YBX2: variants seen among roughly 807,000 people sequenced by gnomAD.
The protein encoded by YBX2 is Y-box binding protein 2.
In YBX2, 5 loss-of-function variants were observed where a neutral mutation model predicts 44.4. The observed-to-expected ratio is 0.11, with a 90% CI of 0.06 to 0.24. The LOEUF (loss-of-function observed/expected upper bound fraction) is 0.24, where lower values mean the gene tolerates loss of function less well. Ranked by LOEUF, YBX2 falls within the 10% of genes least tolerant of loss-of-function variation. The pLI, the probability that YBX2 is intolerant of heterozygous loss-of-function variation, is 1.00. For synonymous variants in YBX2, 188 were observed against 216.1 expected, an observed-to-expected ratio of 0.87 and a Z score of 1.14; for missense variants, 417 against 526.9, an observed-to-expected ratio of 0.79 and a Z score of 2.04.
At chr17:7,289,360 G>A (rs1193482068) in intron 7 of YBX2, among the ~76,000 whole-genome samples, 170 bp downstream of exon 7, 3 of 151,512 alleles carry the variant, frequency 2.0e-5, no homozygotes, top group Non-Finnish European at 4.4e-5. Context: ...TTCCTGGTGG[G>A]AGGCGGCACC....
intron 2 of YBX2, 123 bp downstream of exon 2, chr17:7,293,352 A>T: frequency 6.5e-7 from 1 of 1,543,582 alleles, no homozygotes; most frequent in South Asian, 1.2e-5. Context: ...GCTTTCAACC[A>T]GCATCAGCTG....
At chr17:7,289,010 T>C (rs1046126446) in intron 7 of YBX2, among the ~76,000 whole-genome samples, 172 bp from the exon 8 acceptor site, 1 of 152,152 alleles carries the variant, frequency 6.6e-6, no homozygotes, top group African/African-American at 2.4e-5. Flanking sequence ...TACAGGCATG[T>C]GCTACCACGC....
intron 7 of YBX2, 77 bp downstream of exon 7, chr17:7,289,453 G>T: frequency 6.5e-7 from 1 of 1,544,768 alleles, no homozygotes. Context: ...AAAGGATAGA[G>T]TAGGAAAGAA....
In YBX2 at chr17:7,291,523, G is replaced by A. The variant is rs1160161288; in HGVS notation, c.370-341C>T. On this transcript the variant is annotated intron_variant, in intron 3 of 8. Coordinates refer to ENST00000007699, the MANE Select transcript of YBX2 (RefSeq NM_015982.4). This position sits in a 1 kb window ranked among gnomAD's most constrained non-coding sequence, Gnocchi z 5.8. Reference sequence around the variant, plus strand: ...TCGCAAAGTGGGTAGAATGCACTGTGCTTCTTACCTCAGTCCCAGTGAGAG... The same window carrying A: ...TCGCAAAGTGGGTAGAATGCACTGTACTTCTTACCTCAGTCCCAGTGAGAG... 2.4e-6 allele frequency: 1 copy of A among 412,726 alleles called. No homozygotes were observed. The highest frequency in any genetic ancestry group is 4.6e-6 in the Non-Finnish European group (1 of 219,330). 25.6% of individuals were successfully genotyped at this position (412,726 alleles called of 1,614,324 possible).
Position 7,291,303 on chromosome 17 carries a change from G to T in YBX2, c.370-121C>A. 1.0e-6 allele frequency: 1 copy of T among 968,940 alleles called. No individual in the cohort carries two copies. Among genetic ancestry groups the T allele is most frequent in the Non-Finnish European group, 1.6e-6 (1 of 617,802 alleles). The allele number at this position is 968,940 out of a possible 1,614,324, so 60.0% of individuals were successfully genotyped here. A position where few individuals can be genotyped will look rare whatever the true frequency, so the allele number is the denominator to read the frequency against. ...TTTGACTTGGGGTCTAGAGCTGGAG[G>T]GTGGAGCAAGGAGGTGGTCAAAGTT... On this transcript the variant is annotated intron_variant, in intron 3 of 8. Coordinates refer to ENST00000007699, the MANE Select transcript of YBX2 (RefSeq NM_015982.4). The surrounding 1 kb of genome is among the most constrained non-coding windows in gnomAD (Gnocchi z 5.8).
Position 7,288,738 on chromosome 17 carries a change from C to T in YBX2, c.*39+11G>A. The T allele has an allele frequency of 6.2e-7, 1 of 1,611,392 alleles. No homozygotes were observed. Among genetic ancestry groups the T allele is most frequent in the Non-Finnish European group, 8.5e-7 (1 of 1,177,746 alleles). On this transcript the variant is annotated intron_variant, in intron 8 of 8. Coordinates refer to ENST00000007699, the MANE Select transcript of YBX2 (RefSeq NM_015982.4). ...TTCCTGGCCACCCACCCAACTGCAC[C>T]AGCCACTCACCAGATGGCAGCTCTG...
At chr17:7,292,295 C>T (rs2072506678) in intron 2 of YBX2, 1 of 552,024 alleles carries the variant, frequency 1.8e-6, no homozygotes, top group Non-Finnish European at 3.3e-6. Context: ...AAGGAAAGGG[C>T]AGGCTGGGGA....
Position 7,291,063 on chromosome 17 carries a change from C to A in YBX2, c.459+30G>T. ...CAGGCCACCCTCCCGTAAGCCTAGT[C>A]AACTCTATACCCCATAGCAGTCCCC... On this transcript the variant is annotated intron_variant, in intron 4 of 8. Transcript: ENST00000007699. This position sits in a 1 kb window ranked among gnomAD's most constrained non-coding sequence, Gnocchi z 5.8. 1 of 1,609,854 alleles carries A rather than the reference C, an allele frequency of 6.2e-7. No homozygotes were observed. The highest frequency in any genetic ancestry group is 1.1e-5 in the South Asian group (1 of 90,936).
chr17:7,289,611 G>A lies in YBX2; in HGVS notation c.963C>T (p.Asn321=), dbSNP rs765316148. The part of the protein sequence containing the change: ...GSRPEPQRPR[N]RPYFQRRRQQ... ...GCCGTCTCCGCTGGAAGTAGGGGCG[G>A]TTTCGTGGGCGCTGGGGCTCAGGCC... Residue 321 remains asparagine, a synonymous_variant, in exon 7 of 9, where the codon AAC becomes AAT. Transcript: ENST00000007699. The A allele has an allele frequency of 5.6e-6, 9 of 1,613,596 alleles. No individual in the cohort carries two copies. The South Asian group carries it at 9.9e-5, about 18-fold the overall frequency.
At chr17:7,290,995 G>A in intron 4 of YBX2, 98 bp downstream of exon 4, 2 of 1,201,696 alleles carry the variant, frequency 1.7e-6, no homozygotes, top group Non-Finnish European at 2.5e-6. Flanking sequence ...CCGCAGAACG[G>A]GTCAGAGCTG....
In YBX2 at chr17:7,288,828, G is replaced by A. The variant is rs749501845; in HGVS notation, c.1055C>T (p.Pro352Leu). The A allele has an allele frequency of 1.7e-5, 27 of 1,613,908 alleles. No homozygotes were observed. In the South Asian group the frequency reaches 2.4e-4, roughly 14 times the overall value. The part of the protein sequence containing the change: ...RQPAAPETSA[P>L]VNSGDPTTTI... ...GGTGGTGGGGTCCCCACTGTTGACA[G>A]GGGCTGAGGTCTAAAGAACAGCGGT... Residue 352 changes from proline to leucine, a missense_variant, in exon 8 of 9, where the codon CCT (proline) becomes CTT (leucine). Around this residue, in one of 3 missense-constraint regions of YBX2, gnomAD observed 257 missense variants for 261.7 expected, o/e 0.98. Coordinates refer to ENST00000007699, the MANE Select transcript of YBX2 (RefSeq NM_015982.4).
rs2072522506 is a variant in YBX2, at chr17:7,294,241, T to C, written c.260A>G (p.Lys87Arg). Residue 87 changes from lysine to arginine, a missense_variant, in exon 1 of 9, where the codon AAG (lysine) becomes AGG (arginine). By Grantham distance (26) the Lys-to-Arg change is conservative. This residue lies in a region of YBX2 where 121 missense variants were observed against 141.3 expected (regional missense o/e 0.86). Coordinates refer to ENST00000007699, the MANE Select transcript of YBX2 (RefSeq NM_015982.4). The surrounding 1 kb of genome is among the most constrained non-coding windows in gnomAD (Gnocchi z 4.6). ...PAPPARSQADKPVLAIQVLGT... is the reference protein window; with the variant it reads ...PAPPARSQADRPVLAIQVLGT... ...CGCCTGCCCCTCACCCAGCACCGGC[T>C]TGTCCGCCTGACTCCGGGCCGGGGG... is the stretch of plus-strand genomic sequence containing the variant. 2 of 1,274,068 alleles carry C rather than the reference T, an allele frequency of 1.6e-6. No individual in the cohort carries two copies. The highest frequency in any genetic ancestry group is 1.5e-5 in the African/African-American group (1 of 64,594). 78.9% of individuals were successfully genotyped at this position (1,274,068 alleles called of 1,614,324 possible).
chr17:7,290,541 A>T lies in YBX2; in HGVS notation c.460-6T>A. 1 of 1,610,662 alleles carries T rather than the reference A, an allele frequency of 6.2e-7. No individual in the cohort carries two copies. ...ACATTAGTGGCTTCTGCGCCCTGGGAAGGTGGTAAGGGAATAGTGAGAACC... is the reference window on the plus strand; with the variant it reads ...ACATTAGTGGCTTCTGCGCCCTGGGTAGGTGGTAAGGGAATAGTGAGAACC... On this transcript the variant is annotated splice_polypyrimidine_tract_variant and splice_region_variant and intron_variant, in intron 4 of 8. Coordinates refer to ENST00000007699, the MANE Select transcript of YBX2 (RefSeq NM_015982.4).
chr17:7,291,304 G>A lies in YBX2; in HGVS notation c.370-122C>T, dbSNP rs943726698. 7 of 970,396 alleles carry A rather than the reference G, an allele frequency of 7.2e-6. No homozygotes were observed. The highest frequency in any genetic ancestry group is 3.2e-5 in the African/African-American group (2 of 61,614). 60.1% of individuals were successfully genotyped at this position (970,396 alleles called of 1,614,324 possible). On this transcript the variant is annotated intron_variant, in intron 3 of 8. Transcript: ENST00000007699. The surrounding 1 kb of genome is among the most constrained non-coding windows in gnomAD (Gnocchi z 5.8). Reference sequence around the variant, plus strand: ...TTGACTTGGGGTCTAGAGCTGGAGGGTGGAGCAAGGAGGTGGTCAAAGTTT... The same window carrying A: ...TTGACTTGGGGTCTAGAGCTGGAGGATGGAGCAAGGAGGTGGTCAAAGTTT...
In YBX2 at chr17:7,288,318, C is replaced by T. The variant is rs1278387189; in HGVS notation, c.*365G>A. The T allele has an allele frequency of 5.8e-6, 1 of 172,458 alleles. No homozygotes were observed. The highest frequency in any genetic ancestry group is 2.4e-5 in the African/African-American group (1 of 41,732). The allele number at this position is 172,458 out of a possible 1,614,324, so 10.7% of individuals were successfully genotyped here. On this transcript the variant is annotated 3_prime_UTR_variant, in exon 9 of 9. Coordinates refer to ENST00000007699, the MANE Select transcript of YBX2 (RefSeq NM_015982.4). Reference sequence around the variant, plus strand: ...TGGCACATGACAGATCATAAAATGGCTTCAGAGGTAGGGGGCCGGGGGAAA... The same window carrying T: ...TGGCACATGACAGATCATAAAATGGTTTCAGAGGTAGGGGGCCGGGGGAAA...
At chr17:7,293,147 G>A in intron 2 of YBX2, 1 of 394,646 alleles carries the variant, frequency 2.5e-6, no homozygotes, top group South Asian at 2.4e-5. Flanking sequence ...GAGGCACAGA[G>A]AACCCTATAA....
intron 6 of YBX2, 66 bp downstream of exon 6, chr17:7,289,902 C>G (rs1472833335): frequency 1.9e-6 from 3 of 1,604,032 alleles, no homozygotes; most frequent in Non-Finnish European, 8.5e-7. Flanking sequence ...CTTCCATCCT[C>G]CTGTCCCTTG....
Position 7,294,036 on chromosome 17 carries a change from C to T in YBX2, c.271+194G>A. On this transcript the variant is annotated intron_variant, in intron 1 of 8. Coordinates refer to ENST00000007699, the MANE Select transcript of YBX2 (RefSeq NM_015982.4). The surrounding 1 kb of genome is among the most constrained non-coding windows in gnomAD (Gnocchi z 4.6). ...ACCTTAGCTGAACCTGCCGGCCCCG[C>T]CCTCTCTCCCAGGAAGGTACGGCAG... The T allele has an allele frequency of 1.6e-6, 1 of 634,884 alleles. No homozygotes were observed. The highest frequency in any genetic ancestry group is 2.3e-6 in the Non-Finnish European group (1 of 438,776). 39.3% of individuals were successfully genotyped at this position (634,884 alleles called of 1,614,324 possible).
rs958802797 is a variant in YBX2, at chr17:7,290,152, C to T, written c.745-81G>A. 3.7e-6 allele frequency: 6 copies of T among 1,611,354 alleles called. No homozygotes were observed. The Admixed American group carries it at 6.7e-5, about 18-fold the overall frequency. ...AGATTATCCACAGCTCTGCCCAACCCTCAGTTCCTCCTTCTTTGGGGACCC... is the reference window on the plus strand; with the variant it reads ...AGATTATCCACAGCTCTGCCCAACCTTCAGTTCCTCCTTCTTTGGGGACCC... On this transcript the variant is annotated intron_variant, in intron 5 of 8. Transcript: ENST00000007699.
Sources: allele counts gnomAD v4.1 joint callset (sites outside exome capture counted in the v4.1 genomes callset), GRCh38; gene constraint gnomAD v4.1.1; regional missense constraint gnomAD v4.1.1; non-coding constraint Gnocchi (gnomAD v3.1); transcripts MANE v1.5; gene names NCBI Gene and HGNC (gene_info 2026-07-23, HGNC 2026-07-21).